Variants in RHOT1 observed in about 807,000 individuals in gnomAD.
RHOT1 encodes mitochondrial Rho GTPase 1.
Under a neutral mutation model 95.3 loss-of-function variants are expected in RHOT1, and 27 were observed. The ratio of observed to expected loss-of-function variants is 0.28; its 90% CI spans 0.21 to 0.39. The LOEUF is 0.39. Among genes scored for constraint, RHOT1 ranks in the 10% least tolerant of loss-of-function variants. The pLI is 1.00. For synonymous variants in RHOT1, 227 were observed against 263.5 expected (o/e 0.86, Z 1.34); for missense variants, 578 against 786.7 (o/e 0.73, Z 3.17).
intron 1 of RHOT1, among the ~76,000 whole-genome samples, chr17:32,156,002 G>T (rs111332349): frequency 9.5e-4 from 145 of 152,300 alleles, no homozygotes; most frequent in African/African-American, 3.0e-3. Flanking sequence ...CCTTGAGCTA[G>T]CTGAAGGTTT....
intron 16 of RHOT1, among the ~76,000 whole-genome samples, chr17:32,206,441 CTTTTTTTTTTTTT>C (rs34176535): frequency 4.5e-5 from 3 of 67,008 alleles, no homozygotes; most frequent in Non-Finnish European, 9.0e-5. Context: ...TCTATACTTT[CTTTTTTTTTTTTT>C]TTTTTTTTTT....
intron 1 of RHOT1, among the ~76,000 whole-genome samples, chr17:32,157,663 G>C (rs894231901): frequency 6.6e-6 from 1 of 151,998 alleles, no homozygotes; most frequent in South Asian, 2.1e-4. Context: ...AATTAGCCAG[G>C]TGTGGTGGTG....
At chr17:32,179,825 A>G (rs1183931665) in intron 6 of RHOT1, 1 of 88,066 alleles carries the variant, frequency 1.1e-5, no homozygotes, top group Non-Finnish European at 2.3e-5. Flanking sequence ...CTGGCCGCCC[A>G]TCGTCTGGGA....
intron 1 of RHOT1, among the ~76,000 whole-genome samples, chr17:32,170,505 T>C (rs1263540015): frequency 6.6e-6 from 1 of 152,234 alleles, no homozygotes; most frequent in African/African-American, 2.4e-5. Flanking sequence ...GTAACAATTA[T>C]TTTAACTGTA....
At chr17:32,173,727 AAG>A in intron 2 of RHOT1, 102 bp from the exon 3 acceptor site, 1 of 814,778 alleles carries the variant, frequency 1.2e-6, no homozygotes, top group Non-Finnish European at 2.0e-6. Context: ...AAAAAAAGAA[AAG>A]AAACACTCAA....
At chr17:32,174,905 A>G (rs1330194025) in intron 3 of RHOT1, among the ~76,000 whole-genome samples, 1 of 151,802 alleles carries the variant, frequency 6.6e-6, no homozygotes, top group Non-Finnish European at 1.5e-5. Flanking sequence ...GGTTATTATT[A>G]CTCCCACCTG....
chr17:32,194,209 G>C lies in RHOT1; in HGVS notation c.869+102G>C, dbSNP rs575584849. On this transcript the variant is annotated intron_variant, in intron 11 of 19. Transcript: ENST00000545287. ...CTGGTCTTGAACTCCTGAGTCAAGT[G>C]ATCCTCCCACCTTGGCCTCCCAAAT... 3.3e-6 allele frequency: 4 copies of C among 1,223,722 alleles called. No individual in the cohort carries two copies. In the East Asian group the frequency reaches 7.1e-5, roughly 22 times the overall value. The allele number at this position is 1,223,722 out of a possible 1,614,324, so 75.8% of individuals were successfully genotyped here.
chr17:32,192,671 T>C (rs796523509), intron 9 of RHOT1, among the ~76,000 whole-genome samples: 5 of 150,784 alleles, frequency 3.3e-5, no homozygotes, highest in African/African-American at 1.2e-4. Flanking sequence ...TTACTTTTTT[T>C]TTTTTTTTTT....
intron 1 of RHOT1, among the ~76,000 whole-genome samples, chr17:32,144,231 G>A (rs1217333606): frequency 6.6e-6 from 1 of 152,082 alleles, no homozygotes; most frequent in Non-Finnish European, 1.5e-5. Context: ...ACAGAGTCTC[G>A]CTCTGTCACC....
intron 12 of RHOT1, 96 bp downstream of exon 12, chr17:32,199,127 C>T (rs2037125536): frequency 5.0e-6 from 5 of 996,192 alleles, no homozygotes; most frequent in South Asian, 1.5e-5. Flanking sequence ...GTGTATGTTA[C>T]ATAGCCAAAA....
At chr17:32,154,758 G>C (rs192855907) in intron 1 of RHOT1, among the ~76,000 whole-genome samples, 338 of 152,030 alleles carry the variant, frequency 2.2e-3, no homozygotes, top group African/African-American at 7.5e-3. Flanking sequence ...AGCCGGGCAT[G>C]GTGGCACATG....
chr17:32,214,704 A>G (rs1177933626), intron 19 of RHOT1, among the ~76,000 whole-genome samples: 1 of 152,098 alleles, frequency 6.6e-6, no homozygotes, highest in Non-Finnish European at 1.5e-5. Context: ...TGTGTTAGAC[A>G]TATCCTAATG....
intron 17 of RHOT1, 64 bp downstream of exon 17, chr17:32,207,093 T>G (rs2037813416): frequency 6.7e-7 from 1 of 1,490,464 alleles, no homozygotes; most frequent in African/African-American, 1.4e-5. Context: ...GGAATTGCAG[T>G]GTGGTGTTTC....
chr17:32,178,317 G>A (rs913449967), intron 6 of RHOT1, among the ~76,000 whole-genome samples: 4 of 148,182 alleles, frequency 2.7e-5, no homozygotes, highest in African/African-American at 9.9e-5. Context: ...TCGGCCTACC[G>A]AGTGCCTGGG....
rs1174178502 is a variant in RHOT1 at position 32,212,652 on chromosome 17, A to G, written c.1862+1414A>G. ...CTGATGGCTTGCCTCATTGGAAAGC[A>G]TTTTTGCTTTTGCTTTTATTATTTT... On this transcript the variant is annotated intron_variant, in intron 19 of 19. Transcript: ENST00000545287. Among the ~76,000 whole-genome samples the G allele has an allele frequency of 2.0e-5, 3 of 152,182 alleles. No individual in the cohort carries two copies. In the East Asian group the frequency reaches 5.8e-4, roughly 29 times the overall value.
Position 32,203,945 on chromosome 17 carries a change from A to C in RHOT1, c.1388A>C (p.Tyr463Ser), listed in dbSNP as rs758372939. ...HKSYYAINTV[Y>S]VYGQEKYLLL... Reference sequence around the variant, plus strand: ...TCCTACTATGCGATTAACACTGTTTATGTATATGGACAAGAGAAATACTTG... The same window carrying C: ...TCCTACTATGCGATTAACACTGTTTCTGTATATGGACAAGAGAAATACTTG... The change falls in exon 16 of 20, where the codon TAT becomes TCT. Residue 463 changes from tyrosine (Y) to serine (S), a missense_variant. Transcript: ENST00000545287. 6.2e-7 allele frequency: 1 copy of C among 1,611,790 alleles called. No homozygotes were observed. Among genetic ancestry groups the C allele is most frequent in the Admixed American group, 1.7e-5 (1 of 59,902 alleles).
chr17:32,176,955 T>G (rs182037965), intron 6 of RHOT1, among the ~76,000 whole-genome samples: 2 of 152,318 alleles, frequency 1.3e-5, no homozygotes, highest in African/African-American at 4.8e-5. Flanking sequence ...GATTTCTCTT[T>G]TAGTTGGAAG....
intron 1 of RHOT1, among the ~76,000 whole-genome samples, chr17:32,149,633 ATATG>A (rs1445179099): frequency 1.8e-3 from 145 of 81,214 alleles, no homozygotes; most frequent in African/African-American, 3.2e-3. Context: ...ATATATATAT[ATATG>A]TGTGTGTGTG....
intron 19 of RHOT1, among the ~76,000 whole-genome samples, chr17:32,217,926 T>C (rs1176122987): frequency 6.6e-6 from 1 of 151,794 alleles, no homozygotes; most frequent in Non-Finnish European, 1.5e-5. Flanking sequence ...GCAGTGGCCC[T>C]ATCTCAGCTC....
Sources: allele counts gnomAD v4.1 joint callset (sites outside exome capture counted in the v4.1 genomes callset), GRCh38; gene constraint gnomAD v4.1.1; transcripts MANE v1.5; gene names NCBI Gene and HGNC (gene_info 2026-07-23, HGNC 2026-07-21).